KIAA1217: variants seen among roughly 807,000 people sequenced by gnomAD.
KIAA1217 encodes the protein sickle tail protein homolog.
In KIAA1217, 88 loss-of-function variants were observed where a neutral mutation model predicts 163.9. That is an observed-to-expected ratio of 0.54 (90% CI 0.45 to 0.64). The LOEUF is 0.64. Ranked by LOEUF, KIAA1217 falls within the 30% of genes least tolerant of loss-of-function variation. The pLI, the probability that KIAA1217 is intolerant of heterozygous loss-of-function variation, is 0.00. For synonymous variants in KIAA1217, 903 were observed against 923.1 expected (o/e 0.98, Z 0.39); for missense variants, 2,372 against 2,475.0 (o/e 0.96, Z 0.88).
intron 2 of KIAA1217, among the ~76,000 whole-genome samples, chr10:24,303,525 G>T (rs1306494421): frequency 6.6e-6 from 1 of 152,176 alleles, no homozygotes; most frequent in Non-Finnish European, 1.5e-5. Context: ...GACTGGGAAG[G>T]ACTGTAAAGA....
chr10:24,538,566 GAGGAAGGAAGGA>G lies in KIAA1217; in HGVS notation c.3534+1703_3534+1714del, dbSNP rs1220062160. On this transcript the variant is annotated intron_variant, in intron 17 of 20. Transcript: ENST00000376454. Reference sequence around the variant, plus strand: ...GGAGGGATGGAGGGAGGGAGGGAGGGAGGAAGGAAGGAAGGAAGGAAGGAAGGAAGGAAGGAA... The same window carrying G: ...GGAGGGATGGAGGGAGGGAGGGAGGGAGGAAGGAAGGAAGGAAGGAAGGAA... 5.5e-4 allele frequency among the ~76,000 whole-genome samples: 46 copies of G among 83,980 alleles called. 1 individual carries two copies. The East Asian group carries it at 0.012, about 22-fold the overall frequency. 55.1% of individuals were successfully genotyped at this position (83,980 alleles called of 152,430 possible). A position where few individuals can be genotyped will look rare whatever the true frequency, so the allele number is the denominator to read the frequency against.
At chr10:24,382,481 A>G (rs6482386) in intron 3 of KIAA1217, among the ~76,000 whole-genome samples, 78,487 of 151,980 alleles carry the variant, frequency 0.52, 22,849 homozygotes, top group African/African-American at 0.8. Flanking sequence ...TTAATATTTA[A>G]CATTAAATTT....
chr10:23,859,375 A>G (rs1428205352), intron 1 of KIAA1217, among the ~76,000 whole-genome samples: 1 of 152,208 alleles, frequency 6.6e-6, no homozygotes, highest in East Asian at 1.9e-4. Context: ...TAAACTCTCT[A>G]TATGTAATGA....
chr10:24,211,141 T>G (rs1337456654), intron 1 of KIAA1217, among the ~76,000 whole-genome samples: 1 of 151,960 alleles, frequency 6.6e-6, no homozygotes, highest in Non-Finnish European at 1.5e-5. Flanking sequence ...TAAATAGGAT[T>G]ATTAGAAAGA....
intron 1 of KIAA1217, among the ~76,000 whole-genome samples, chr10:23,775,963 C>T (rs895853209): frequency 1.3e-5 from 2 of 152,096 alleles, no homozygotes; most frequent in South Asian, 2.1e-4. Flanking sequence ...ATAATTATCC[C>T]ATAAACGTAT....
chr10:23,696,380 G>A (rs1024527234), intron 1 of KIAA1217, among the ~76,000 whole-genome samples: 1 of 152,214 alleles, frequency 6.6e-6, no homozygotes, highest in Non-Finnish European at 1.5e-5. Flanking sequence ...CCGAGAGTAG[G>A]AGTTTCTGTG....
intron 2 of KIAA1217, among the ~76,000 whole-genome samples, chr10:24,336,688 C>T (rs1194058799): frequency 3.3e-5 from 5 of 152,168 alleles, no homozygotes; most frequent in African/African-American, 1.2e-4. Context: ...GGGAGATTTT[C>T]TTTCAAGAAA....
intron 2 of KIAA1217, among the ~76,000 whole-genome samples, chr10:24,160,976 A>G (rs2065091695): frequency 6.6e-6 from 1 of 152,170 alleles, no homozygotes; most frequent in Non-Finnish European, 1.5e-5. Context: ...TTGAAAATTC[A>G]GCTATTCTAT....
intron 1 of KIAA1217, among the ~76,000 whole-genome samples, chr10:23,800,522 A>C (rs1175482628): frequency 6.6e-6 from 1 of 152,106 alleles, no homozygotes; most frequent in African/African-American, 2.4e-5. Context: ...GTGCCTGAGT[A>C]GCTGCTCTGT....
chr10:24,128,524 C>G (rs991354147), intron 2 of KIAA1217, among the ~76,000 whole-genome samples: 5 of 152,182 alleles, frequency 3.3e-5, no homozygotes, highest in Admixed American at 6.5e-5. Flanking sequence ...TTTGTTGATC[C>G]TGTCTGCTGA....
intron 1 of KIAA1217, 130 bp downstream of exon 1, chr10:24,209,393 T>C: frequency 1.5e-6 from 1 of 675,538 alleles, no homozygotes; most frequent in South Asian, 1.9e-5. Context: ...CTTGGGATGG[T>C]ACATTTTCCA....
chr10:24,132,735 C>T (rs115684755), intron 2 of KIAA1217, among the ~76,000 whole-genome samples: 1,900 of 152,118 alleles, frequency 0.012, 38 homozygotes, highest in African/African-American at 0.043. Flanking sequence ...GATATATGGC[C>T]CCCAAGAGTG....
At chr10:23,753,303 G>A (rs1446774157) in intron 1 of KIAA1217, among the ~76,000 whole-genome samples, 1 of 152,136 alleles carries the variant, frequency 6.6e-6, no homozygotes, top group Non-Finnish European at 1.5e-5. Flanking sequence ...TGAGGATTAG[G>A]AGACCATTTG....
intron 5 of KIAA1217, among the ~76,000 whole-genome samples, chr10:24,465,750 C>G (rs1490741259): frequency 1.3e-5 from 2 of 152,238 alleles, no homozygotes; most frequent in Non-Finnish European, 2.9e-5. Flanking sequence ...TGTGGACACG[C>G]ACCTTCTTGT....
At chr10:24,214,259 A>G (rs2068528371) in intron 1 of KIAA1217, among the ~76,000 whole-genome samples, 1 of 152,192 alleles carries the variant, frequency 6.6e-6, no homozygotes, top group Non-Finnish European at 1.5e-5. Flanking sequence ...AGATAGGCTA[A>G]TTGTTGTAAC....
At chr10:23,937,991 C>T (rs1843604212) in intron 1 of KIAA1217, among the ~76,000 whole-genome samples, 1 of 151,962 alleles carries the variant, frequency 6.6e-6, no homozygotes, top group Non-Finnish European at 1.5e-5. Flanking sequence ...CAGGGCAGGC[C>T]AAGTGTCGAG....
chr10:23,932,026 CGGCAGGGAG>C (rs1286655986), intron 1 of KIAA1217, among the ~76,000 whole-genome samples: 2 of 152,106 alleles, frequency 1.3e-5, no homozygotes, highest in African/African-American at 4.8e-5. Flanking sequence ...CAGAGCAGCC[CGGCAGGGAG>C]GGCAGGGAGA....
chr10:24,285,702 A>G (rs1221877265), intron 2 of KIAA1217, among the ~76,000 whole-genome samples: 1 of 152,184 alleles, frequency 6.6e-6, no homozygotes, highest in Non-Finnish European at 1.5e-5. Flanking sequence ...TGGTTCCAGA[A>G]TTTTAGAATA....
intron 2 of KIAA1217, among the ~76,000 whole-genome samples, chr10:24,165,714 A>G (rs372897224): frequency 3.3e-5 from 5 of 152,218 alleles, no homozygotes; most frequent in African/African-American, 1.2e-4. Context: ...AAGGAACAGG[A>G]AAATGGTATT....
Sources: allele counts gnomAD v4.1 joint callset (sites outside exome capture counted in the v4.1 genomes callset), GRCh38; gene constraint gnomAD v4.1.1; transcripts MANE v1.5; gene names NCBI Gene and HGNC (gene_info 2026-07-23, HGNC 2026-07-21).